CACNA1D: variants seen among roughly 807,000 people sequenced by gnomAD.
CACNA1D encodes voltage-dependent L-type calcium channel subunit alpha-1D.
A neutral mutation model predicts 257.1 loss-of-function variants in CACNA1D; 55 were observed. The observed-to-expected ratio is 0.21, with a 90% CI of 0.17 to 0.27. CACNA1D has a LOEUF of 0.27. CACNA1D is among the 10% of genes least tolerant of loss of function. The pLI is 1.00. For synonymous variants in CACNA1D, 980 were observed against 1,014.9 expected, an observed-to-expected ratio of 0.97 and a Z score of 0.65; for missense variants, 1,876 against 2,784.0, an observed-to-expected ratio of 0.67 and a Z score of 7.34.
intron 3 of CACNA1D, among the ~76,000 whole-genome samples, chr3:53,508,241 T>G (rs2090941972): frequency 6.6e-6 from 1 of 152,218 alleles, no homozygotes; most frequent in South Asian, 2.1e-4. Context: ...TTGCCGCACC[T>G]ATCAACCCAT....
At chr3:53,528,951 GAT>G (rs1162152986) in intron 3 of CACNA1D, among the ~76,000 whole-genome samples, 1 of 152,112 alleles carries the variant, frequency 6.6e-6, no homozygotes, top group African/African-American at 2.4e-5. Context: ...TGTGAATAAA[GAT>G]AGTTTTGTTT....
In CACNA1D at chr3:53,772,875, A is replaced by T; in HGVS notation, c.4087A>T (p.Ile1363Phe). The change falls in exon 33 of 48, where the codon ATC (isoleucine) becomes TTC (phenylalanine). Residue 1363 changes from isoleucine to phenylalanine, a missense_variant. Coordinates refer to ENST00000350061, the MANE Select transcript of CACNA1D (RefSeq NM_001128840.3). ...CCTCCTCATAGCCATGCTGTTCTTC[A>T]TCTATGCGGTCATTGGCATGCAGGT... ...VALLIAMLFFIYAVIGMQMFG... is the reference protein window; with the variant it reads ...VALLIAMLFFFYAVIGMQMFG... 1 of 1,613,776 alleles carries T rather than the reference A, an allele frequency of 6.2e-7. No homozygotes were observed. The highest frequency in any genetic ancestry group is 8.5e-7 in the Non-Finnish European group (1 of 1,179,944).
intron 9 of CACNA1D, among the ~76,000 whole-genome samples, chr3:53,716,230 A>G (rs1424376669): frequency 6.6e-6 from 1 of 152,248 alleles, no homozygotes; most frequent in African/African-American, 2.4e-5. Context: ...TAGAGACAGG[A>G]AAGTGAAGCC....
Position 53,751,560 on chromosome 3 carries a change from A to G in CACNA1D, c.3517-189A>G, listed in dbSNP as rs1485700226. ...CTGGGAGGGTCAGCGAAGGTAATGG[A>G]GGCAGGGCCCTCGGTGACTCAAGAG... is the stretch of plus-strand genomic sequence containing the variant. On this transcript the variant is annotated intron_variant, in intron 27 of 47. Coordinates refer to ENST00000350061, the MANE Select transcript of CACNA1D (RefSeq NM_001128840.3). This position sits in a 1 kb window ranked among gnomAD's most constrained non-coding sequence, Gnocchi z 4.3. 6.6e-6 allele frequency among the ~76,000 whole-genome samples: 1 copy of G among 152,172 alleles called. No individual in the cohort carries two copies. Among genetic ancestry groups the G allele is most frequent in the East Asian group, 1.9e-4 (1 of 5,196 alleles).
intron 3 of CACNA1D, among the ~76,000 whole-genome samples, chr3:53,580,790 T>C (rs992721171): frequency 1.3e-5 from 2 of 152,258 alleles, no homozygotes; most frequent in African/African-American, 4.8e-5. Flanking sequence ...AGTTCATTGC[T>C]TAAAGTAGCC....
chr3:53,605,626 G>T (rs769855161), intron 3 of CACNA1D, among the ~76,000 whole-genome samples: 1 of 152,216 alleles, frequency 6.6e-6, no homozygotes, highest in African/African-American at 2.4e-5. Context: ...ACCAGAATGC[G>T]TGTGGCCCAC....
intron 3 of CACNA1D, among the ~76,000 whole-genome samples, chr3:53,533,739 C>T (rs1015196050): frequency 6.6e-6 from 1 of 152,166 alleles, no homozygotes; most frequent in African/African-American, 2.4e-5. Context: ...TGCTCCTGGA[C>T]AGGGAAGGAT....
chr3:53,534,882 C>T (rs1212956186), intron 3 of CACNA1D, among the ~76,000 whole-genome samples: 2 of 152,208 alleles, frequency 1.3e-5, no homozygotes, highest in Non-Finnish European at 2.9e-5. Context: ...GCCAGCTCCC[C>T]CACGGAACGT....
At chr3:53,608,737 A>T (rs187720490) in intron 3 of CACNA1D, among the ~76,000 whole-genome samples, 1 of 152,172 alleles carries the variant, frequency 6.6e-6, no homozygotes. Context: ...GAATGGTCAT[A>T]TGGTTTTCTT....
intron 3 of CACNA1D, among the ~76,000 whole-genome samples, chr3:53,620,583 T>TC (rs113436757): frequency 0.3 from 45,995 of 152,094 alleles, 7,078 homozygotes; most frequent in African/African-American, 0.33. Context: ...GAGCCATGAT[T>TC]CCCCACCTGG....
At chr3:53,561,784 A>G (rs1002698772) in intron 3 of CACNA1D, among the ~76,000 whole-genome samples, 2 of 152,200 alleles carry the variant, frequency 1.3e-5, no homozygotes, top group Non-Finnish European at 2.9e-5. Context: ...AAGTACTGGT[A>G]TACCTCGTTT....
At chr3:53,650,703 T>A (rs557570445) in intron 3 of CACNA1D, 76 bp from the exon 4 acceptor site, 694 of 1,463,838 alleles carry the variant, frequency 4.7e-4, no homozygotes, top group Non-Finnish European at 6.3e-4. Flanking sequence ...TTGATTCTAA[T>A]CTCTGTTCCT....
intron 3 of CACNA1D, among the ~76,000 whole-genome samples, chr3:53,538,766 C>T (rs1280098815): frequency 1.3e-5 from 2 of 152,208 alleles, no homozygotes; most frequent in Admixed American, 6.5e-5. Flanking sequence ...GGAGTCAGTC[C>T]TGCTGCTTTT....
intron 27 of CACNA1D, among the ~76,000 whole-genome samples, chr3:53,749,970 C>A (rs2095211437): frequency 1.3e-5 from 2 of 152,186 alleles, no homozygotes; most frequent in South Asian, 4.1e-4. Flanking sequence ...GTTCGTCTTC[C>A]CCTGGTAGCA....
intron 3 of CACNA1D, among the ~76,000 whole-genome samples, chr3:53,612,675 C>T (rs766322520): frequency 6.6e-6 from 1 of 152,122 alleles, no homozygotes; most frequent in Non-Finnish European, 1.5e-5. Context: ...CCTCAGACTC[C>T]CTACATTCCA....
chr3:53,723,329 G>A lies in CACNA1D; in HGVS notation c.1667-105G>A. The A allele has an allele frequency of 1.2e-6, 1 of 824,656 alleles. No individual in the cohort carries two copies. Among genetic ancestry groups the A allele is most frequent in the South Asian group, 1.3e-5 (1 of 74,132 alleles). 51.1% of individuals were successfully genotyped at this position (824,656 alleles called of 1,614,324 possible). A position where few individuals can be genotyped will look rare whatever the true frequency, so the allele number is the denominator to read the frequency against. On this transcript the variant is annotated intron_variant, in intron 12 of 47. Coordinates refer to ENST00000350061, the MANE Select transcript of CACNA1D (RefSeq NM_001128840.3). This position sits in a 1 kb window ranked among gnomAD's most constrained non-coding sequence, Gnocchi z 5.6. The stretch of plus-strand genomic sequence containing the variant: ...GTAGTGAAGAGAGAGACAAGGTATT[G>A]GCGTATTTCCTGTGGGGCCTGATAG...
rs947204485 is a variant in CACNA1D, at chr3:53,768,262, A to G, written c.3871-1711A>G. On this transcript the variant is annotated intron_variant, in intron 30 of 47. Transcript: ENST00000350061. ...CCTTACTGTCTTGCAGGTCTGATAC[A>G]TAAGTTGTGCACATTTCAGAAGGAT... 3.9e-5 allele frequency among the ~76,000 whole-genome samples: 6 copies of G among 152,258 alleles called. No individual in the cohort carries two copies. The East Asian group carries it at 9.7e-4, about 25-fold the overall frequency.
intron 3 of CACNA1D, among the ~76,000 whole-genome samples, chr3:53,627,566 G>A (rs2093773650): frequency 1.4e-5 from 2 of 142,494 alleles, no homozygotes. Flanking sequence ...CCAACATGCT[G>A]ATGCTGTGTT....
At chr3:53,520,761 A>G (rs935034825) in intron 3 of CACNA1D, among the ~76,000 whole-genome samples, 3 of 106,732 alleles carry the variant, frequency 2.8e-5, no homozygotes, top group Admixed American at 9.9e-5. Context: ...GTGAGACTCA[A>G]TCTCAAAAAA....
Sources: gnomAD v4.1 joint callset for allele counts (sites outside exome capture counted in the v4.1 genomes callset) on GRCh38, gnomAD v4.1.1 for gene constraint, Gnocchi (gnomAD v3.1) non-coding constraint, MANE v1.5 for transcripts, NCBI Gene and HGNC (gene_info 2026-07-23, HGNC 2026-07-21) for gene names.